Variants in XKR4 observed in about 807,000 individuals in gnomAD.
The protein encoded by XKR4 is XK-related protein 4.
XKR4 carries 12 observed loss-of-function variants against 53.9 expected under a neutral mutation model. That is an observed-to-expected ratio of 0.22 (90% CI 0.14 to 0.36). The LOEUF is 0.36. Among genes scored for constraint, XKR4 ranks in the 10% least tolerant of loss-of-function variants. XKR4 has a pLI of 1.00. For synonymous variants in XKR4, 354 were observed against 362.4 expected (o/e 0.98, Z 0.26); for missense variants, 799 against 859.5 (o/e 0.93, Z 0.88).
intron 2 of XKR4, among the ~76,000 whole-genome samples, chr8:55,472,292 AG>A (rs1805900073): frequency 6.6e-6 from 1 of 152,226 alleles, no homozygotes; most frequent in South Asian, 2.1e-4. Context: ...TAAAGGATGA[AG>A]GGTATATCTG....
At chr8:55,436,201 A>G (rs1318059337) in intron 2 of XKR4, among the ~76,000 whole-genome samples, 1 of 152,184 alleles carries the variant, frequency 6.6e-6, no homozygotes, top group African/African-American at 2.4e-5. Flanking sequence ...AGACTAATTA[A>G]CAGGTTCTCG....
At chr8:55,280,888 A>G (rs1818836871) in intron 1 of XKR4, among the ~76,000 whole-genome samples, 1 of 152,248 alleles carries the variant, frequency 6.6e-6, no homozygotes, top group Admixed American at 6.5e-5. Flanking sequence ...CTAAAAATCC[A>G]TCCACTTCCT....
intron 2 of XKR4, among the ~76,000 whole-genome samples, chr8:55,404,265 T>C (rs575795389): frequency 3.3e-5 from 5 of 151,992 alleles, no homozygotes; most frequent in South Asian, 2.1e-4. Flanking sequence ...AGATGACAGA[T>C]GACAGATAGA....
intron 1 of XKR4, among the ~76,000 whole-genome samples, chr8:55,240,093 A>G (rs1470354749): frequency 6.6e-6 from 1 of 152,204 alleles, no homozygotes; most frequent in East Asian, 1.9e-4. Context: ...GGCAGGGGTC[A>G]TGTTCTTGTC....
chr8:55,128,659 C>T (rs559612136), intron 1 of XKR4, among the ~76,000 whole-genome samples: 7 of 152,190 alleles, frequency 4.6e-5, no homozygotes, highest in South Asian at 2.1e-4. Flanking sequence ...TTAAACATGT[C>T]GGAAAAAAAC....
At chr8:55,341,218 C>A (rs1430129363) in intron 1 of XKR4, among the ~76,000 whole-genome samples, 2 of 152,156 alleles carry the variant, frequency 1.3e-5, no homozygotes, top group Non-Finnish European at 2.9e-5. Flanking sequence ...ATAAGCAGGT[C>A]ACCTTTGTGG....
At chr8:55,164,227 T>C (rs1315164542) in intron 1 of XKR4, 1 of 456,484 alleles carries the variant, frequency 2.2e-6, no homozygotes, top group African/African-American at 2.0e-5. Context: ...TCCTGAATTC[T>C]GTCGGCATTG....
At chr8:55,315,636 G>T (rs1261274688) in intron 1 of XKR4, among the ~76,000 whole-genome samples, 1 of 152,112 alleles carries the variant, frequency 6.6e-6, no homozygotes, top group Non-Finnish European at 1.5e-5. Flanking sequence ...TCCAGCCTGA[G>T]TGACAGAGCA....
chr8:55,144,912 A>G (rs762417442), intron 1 of XKR4, among the ~76,000 whole-genome samples: 73 of 151,640 alleles, frequency 4.8e-4, no homozygotes, highest in Non-Finnish European at 2.2e-4. Flanking sequence ...GCTCACTGCA[A>G]CCACCACCTC....
intron 1 of XKR4, among the ~76,000 whole-genome samples, chr8:55,348,412 A>G (rs1038379426): frequency 1.3e-5 from 2 of 152,192 alleles, no homozygotes; most frequent in Admixed American, 1.3e-4. Context: ...GGCTCACAGG[A>G]TATCGTCTAT....
Position 55,295,681 on chromosome 8 carries a change from T to A in XKR4, c.807-61997T>A, listed in dbSNP as rs149518688. On this transcript the variant is annotated intron_variant, in intron 1 of 2. Coordinates refer to ENST00000327381, the MANE Select transcript of XKR4 (RefSeq NM_052898.2). ...CTGACCCTTTGCAGGGTGTGTTTCC[T>A]TGGCACTTACTGAATTTCAAGCTTC... Among the ~76,000 whole-genome samples the A allele has an allele frequency of 2.8e-4, 43 of 152,348 alleles. No individual in the cohort carries two copies. In the East Asian group the frequency reaches 8.1e-3, roughly 29 times the overall value.
intron 1 of XKR4, among the ~76,000 whole-genome samples, chr8:55,330,370 G>A (rs1803365751): frequency 6.6e-6 from 1 of 152,028 alleles, no homozygotes; most frequent in African/African-American, 2.4e-5. Context: ...CTCTACCCCA[G>A]TAGCAAGAAA....
chr8:55,376,058 C>T (rs976917538), intron 2 of XKR4, among the ~76,000 whole-genome samples: 2 of 152,172 alleles, frequency 1.3e-5, no homozygotes, highest in African/African-American at 4.8e-5. Flanking sequence ...AGGACACAAT[C>T]TCTTTCCTTT....
intron 1 of XKR4, among the ~76,000 whole-genome samples, chr8:55,268,533 A>G (rs1051217038): frequency 6.6e-5 from 10 of 152,220 alleles, no homozygotes; most frequent in African/African-American, 2.4e-4. Context: ...TTTAAAATTC[A>G]GCAGATATTT....
At chr8:55,119,577 G>C (rs1485794155) in intron 1 of XKR4, among the ~76,000 whole-genome samples, 1 of 152,204 alleles carries the variant, frequency 6.6e-6, no homozygotes. Context: ...GAAGTTGACT[G>C]TGTTGGGGAA....
chr8:55,150,534 A>C (rs1816827342), intron 1 of XKR4, among the ~76,000 whole-genome samples: 1 of 152,068 alleles, frequency 6.6e-6, no homozygotes, highest in Non-Finnish European at 1.5e-5. Context: ...TAACTCTCCC[A>C]TTCCTCAGCT....
chr8:55,463,931 A>G (rs1246947393), intron 2 of XKR4, among the ~76,000 whole-genome samples: 8 of 152,170 alleles, frequency 5.3e-5, no homozygotes, highest in Admixed American at 5.2e-4. Context: ...ACCAGGAGGA[A>G]GTTGAATCTC....
At chr8:55,326,468 C>CTTTTTTTTTTTTTTTTTTTTT (rs10666278) in intron 1 of XKR4, among the ~76,000 whole-genome samples, 1 of 111,782 alleles carries the variant, frequency 8.9e-6, no homozygotes. Flanking sequence ...ATTTTTTTTC[C>CTTTTTTTTTTTTTTTTTTTTT]TTTTTTTTTT....
intron 2 of XKR4, among the ~76,000 whole-genome samples, chr8:55,463,077 G>A (rs532570829): frequency 1.3e-5 from 2 of 152,142 alleles, no homozygotes; most frequent in Non-Finnish European, 2.9e-5. Context: ...GAGACAGAAA[G>A]TTAATGAGGA....
Sources: gnomAD v4.1 joint callset for allele counts (sites outside exome capture counted in the v4.1 genomes callset) on GRCh38, gnomAD v4.1.1 for gene constraint, MANE v1.5 for transcripts, NCBI Gene and HGNC (gene_info 2026-07-23, HGNC 2026-07-21) for gene names.